Variants in TRMT10B observed in about 807,000 individuals in gnomAD.
TRMT10B encodes the protein tRNA methyltransferase 10B.
A neutral mutation model predicts 43.8 loss-of-function variants in TRMT10B; 33 were observed. The ratio of observed to expected loss-of-function variants is 0.75; its 90% CI spans 0.57 to 1.01. The LOEUF is 1.01. Ranked by LOEUF, TRMT10B falls within the 50% of genes least tolerant of loss-of-function variation. TRMT10B has a pLI of 0.00. For missense variants in TRMT10B, 362 were observed against 369.8 expected (o/e 0.98, Z 0.17); for synonymous variants, 137 against 130.6 (o/e 1.05, Z -0.34).
At chr9:37,774,484 C>CT (rs1203170816) in intron 7 of TRMT10B, among the ~76,000 whole-genome samples, 1 of 152,112 alleles carries the variant, frequency 6.6e-6, no homozygotes, top group African/African-American at 2.4e-5. Context: ...CAGAAATAAG[C>CT]TAAGAACAAC....
In TRMT10B at chr9:37,776,284, G is replaced by C; in HGVS notation, c.723G>C (p.Lys241Asn). The C allele has an allele frequency of 6.5e-7, 1 of 1,533,622 alleles. No homozygotes were observed. Among genetic ancestry groups the C allele is most frequent in the South Asian group, 1.3e-5 (1 of 77,578 alleles). Residue 241 changes from lysine (K) to asparagine (N), a missense_variant and splice_region_variant, in exon 8 of 9, where the codon AAG becomes AAC. Coordinates refer to ENST00000297994, the MANE Select transcript of TRMT10B (RefSeq NM_144964.4). The part of the protein sequence containing the change: ...GGLVDESIQK[K>N]VTFQKAREYS... ...AATATTTAACTATATATTTACAGAA[G>C]GTGACATTTCAAAAGGCCCGGGAAT...
intron 2 of TRMT10B, 89 bp downstream of exon 2, chr9:37,762,206 A>G: frequency 7.4e-7 from 1 of 1,359,184 alleles, no homozygotes; most frequent in Non-Finnish European, 9.9e-7. Flanking sequence ...GGTAGTGAAA[A>G]GAGAGACGGA....
chr9:37,754,880 T>A (rs576950225), intron 1 of TRMT10B, among the ~76,000 whole-genome samples: 1 of 152,174 alleles, frequency 6.6e-6, no homozygotes, highest in Admixed American at 6.5e-5. Context: ...TCAACCTGAA[T>A]GTGAGAAGGG....
At chr9:37,760,643 T>G (rs1826225860) in intron 1 of TRMT10B, among the ~76,000 whole-genome samples, 1 of 151,806 alleles carries the variant, frequency 6.6e-6, no homozygotes, top group Non-Finnish European at 1.5e-5. Flanking sequence ...TTTAAGGAGT[T>G]AATTACCAAA....
intron 1 of TRMT10B, among the ~76,000 whole-genome samples, chr9:37,759,096 TTA>T (rs769189727): frequency 2.5e-4 from 38 of 152,320 alleles, no homozygotes; most frequent in Non-Finnish European, 3.4e-4. Context: ...GGATGGCAGT[TTA>T]TGAGTTAAAT....
chr9:37,772,214 T>C (rs915356963), intron 7 of TRMT10B, among the ~76,000 whole-genome samples: 4 of 152,118 alleles, frequency 2.6e-5, no homozygotes, highest in Non-Finnish European at 5.9e-5. Context: ...GTTCTCACCA[T>C]GTTTTCCAGG....
chr9:37,762,700 G>A lies in TRMT10B; in HGVS notation c.295+15G>A. 6.4e-7 allele frequency: 1 copy of A among 1,560,406 alleles called. No homozygotes were observed. Among genetic ancestry groups the A allele is most frequent in the Admixed American group, 2.0e-5 (1 of 51,028 alleles). ...AGAAAATCCAGGTGACAATAAATGA[G>A]ACTGTTGGTATAATAATATTTATTT... On this transcript the variant is annotated intron_variant, in intron 3 of 8. Coordinates refer to ENST00000297994, the MANE Select transcript of TRMT10B (RefSeq NM_144964.4).
chr9:37,778,194 A>G lies in TRMT10B; in HGVS notation c.*487A>G, dbSNP rs1162827314. On this transcript the variant is annotated 3_prime_UTR_variant, in exon 9 of 9. Coordinates refer to ENST00000297994, the MANE Select transcript of TRMT10B (RefSeq NM_144964.4). ...TTTAATCTCCCATAGTGCCTGGCTC[A>G]CAGGAAGTGCTCAGATATGTTAAGT... 6.4e-6 allele frequency: 1 copy of G among 155,586 alleles called. No homozygotes were observed. 9.6% of individuals were successfully genotyped at this position (155,586 alleles called of 1,614,324 possible).
intron 4 of TRMT10B, among the ~76,000 whole-genome samples, chr9:37,765,496 C>T (rs1589026227): frequency 6.6e-6 from 1 of 151,668 alleles, no homozygotes; most frequent in East Asian, 1.9e-4. Flanking sequence ...TCCAATCTAT[C>T]GTTGGTTGGT....
At chr9:37,776,707 C>G (rs575098617) in intron 8 of TRMT10B, among the ~76,000 whole-genome samples, 1 of 152,218 alleles carries the variant, frequency 6.6e-6, no homozygotes, top group African/African-American at 2.4e-5. Flanking sequence ...CGAAACCAGC[C>G]TGGCCAACAT....
At chr9:37,770,779 C>T (rs1263339349) in intron 7 of TRMT10B, 40 bp downstream of exon 7, 1 of 1,601,228 alleles carries the variant, frequency 6.2e-7, no homozygotes, top group African/African-American at 1.3e-5. Context: ...TTTTAAAAAG[C>T]AGTGCTTACT....
chr9:37,769,308 T>TAAAAAAAAAA (rs57651814), intron 5 of TRMT10B, among the ~76,000 whole-genome samples: 9 of 60,724 alleles, frequency 1.5e-4, no homozygotes, highest in African/African-American at 3.7e-4. Context: ...ACCCTGTCTT[T>TAAAAAAAAAA]AAAAAAAAAA....
intron 1 of TRMT10B, 66 bp from the exon 2 acceptor site, chr9:37,761,837 G>T: frequency 9.0e-7 from 1 of 1,111,472 alleles, no homozygotes; most frequent in East Asian, 2.5e-5. Context: ...TTTGTCATTT[G>T]GATGTAGGGA....
intron 1 of TRMT10B, among the ~76,000 whole-genome samples, chr9:37,755,443 TG>T (rs1825549307): frequency 6.6e-6 from 1 of 152,180 alleles, no homozygotes; most frequent in African/African-American, 2.4e-5. Flanking sequence ...ATGCTAAATT[TG>T]GGCATAGATA....
chr9:37,756,221 A>T (rs948163415), intron 1 of TRMT10B, among the ~76,000 whole-genome samples: 1 of 152,200 alleles, frequency 6.6e-6, no homozygotes, highest in Non-Finnish European at 1.5e-5. Flanking sequence ...CATTTATTTA[A>T]CAAATGGGTG....
chr9:37,753,249 A>G (rs752459276), upstream of TRMT10B, among the ~76,000 whole-genome samples: 2 of 152,242 alleles, frequency 1.3e-5, no homozygotes, highest in South Asian at 2.1e-4. Flanking sequence ...TCTTGAAGTC[A>G]GTGAGACCAA....
chr9:37,770,621 T>C, intron 6 of TRMT10B, 51 bp from the exon 7 acceptor site: 2 of 1,510,750 alleles, frequency 1.3e-6, no homozygotes, highest in Non-Finnish European at 1.8e-6. Context: ...TTCTCTGGAT[T>C]TAGAAATTAT....
chr9:37,753,156 G>C (rs774322043), upstream of TRMT10B, among the ~76,000 whole-genome samples: 1 of 151,576 alleles, frequency 6.6e-6, no homozygotes, highest in Non-Finnish European at 1.5e-5. Context: ...TGAAGCTAGC[G>C]AGACCATGAA....
At chr9:37,756,895 T>G (rs1207273793) in intron 1 of TRMT10B, among the ~76,000 whole-genome samples, 3 of 151,784 alleles carry the variant, frequency 2.0e-5, no homozygotes, top group Non-Finnish European at 4.4e-5. Flanking sequence ...CATATACAGG[T>G]GTGAGGTGGC....
Sources: gnomAD v4.1 joint callset for allele counts (sites outside exome capture counted in the v4.1 genomes callset) on GRCh38, gnomAD v4.1.1 for gene constraint, MANE v1.5 for transcripts, NCBI Gene and HGNC (gene_info 2026-07-23, HGNC 2026-07-21) for gene names.